MNAT1: variants seen among roughly 807,000 people sequenced by gnomAD.
The protein encoded by MNAT1 is CDK-activating kinase assembly factor MAT1.
In MNAT1, 43 loss-of-function variants were observed where a neutral mutation model predicts 42.0. The observed-to-expected ratio is 1.02, with a 90% CI of 0.80 to 1.32. The LOEUF is 1.32. Among genes scored for constraint, MNAT1 ranks in the 40% most tolerant of loss-of-function variants. MNAT1 has a pLI of 0.00. For synonymous variants in MNAT1, 118 were observed against 120.0 expected (o/e 0.98, Z 0.11); for missense variants, 306 against 350.4 (o/e 0.87, Z 1.01).
At chr14:60,865,264 T>C (rs1236790214) in intron 6 of MNAT1, among the ~76,000 whole-genome samples, 1 of 152,120 alleles carries the variant, frequency 6.6e-6, no homozygotes, top group East Asian at 1.9e-4. Context: ...TAGTAGTATT[T>C]GTAGATAATT....
At chr14:60,918,005 A>T (rs1204802836) in intron 7 of MNAT1, among the ~76,000 whole-genome samples, 2 of 151,946 alleles carry the variant, frequency 1.3e-5, no homozygotes, top group African/African-American at 4.8e-5. Flanking sequence ...CAAATACATC[A>T]GCAGGTTTAA....
intron 7 of MNAT1, among the ~76,000 whole-genome samples, chr14:60,897,468 CTA>C (rs1052270997): frequency 6.6e-6 from 1 of 151,968 alleles, no homozygotes; most frequent in Non-Finnish European, 1.5e-5. Context: ...ATGGGAATAT[CTA>C]TTACTTTCAT....
chr14:60,924,027 T>C (rs920721965), intron 7 of MNAT1, among the ~76,000 whole-genome samples: 10 of 152,164 alleles, frequency 6.6e-5, no homozygotes, highest in Non-Finnish European at 1.3e-4. Context: ...CACTAATGAA[T>C]ATTATGACTG....
intron 7 of MNAT1, among the ~76,000 whole-genome samples, chr14:60,895,094 G>C (rs572691559): frequency 2.6e-4 from 40 of 152,190 alleles, no homozygotes; most frequent in Non-Finnish European, 5.3e-4. Context: ...GAGGACTTTA[G>C]TTATTAGAGC....
chr14:60,776,071 A>G (rs2031239152), intron 1 of MNAT1, among the ~76,000 whole-genome samples: 1 of 152,230 alleles, frequency 6.6e-6, no homozygotes, highest in Non-Finnish European at 1.5e-5. Context: ...TCAACCATAG[A>G]TGGATCAGGT....
At chr14:60,746,323 G>C (rs867862504) in intron 1 of MNAT1, among the ~76,000 whole-genome samples, 3 of 152,074 alleles carry the variant, frequency 2.0e-5, no homozygotes, top group Non-Finnish European at 4.4e-5. Context: ...AGACCAGCCT[G>C]ACCAACATGG....
In MNAT1 at chr14:60,836,394, C is replaced by T. The variant is rs761767498; in HGVS notation, c.687+17547C>T. The stretch of plus-strand genomic sequence containing the variant: ...GGATTTGTCTACCTTTGGTCTTTGA[C>T]GTTGGTGACCTTTGGATGGGGTTTT... On this transcript the variant is annotated intron_variant, in intron 6 of 7. Coordinates refer to ENST00000261245, the MANE Select transcript of MNAT1 (RefSeq NM_002431.4). 8.5e-5 allele frequency among the ~76,000 whole-genome samples: 13 copies of T among 152,134 alleles called. 1 individual carries two copies. Among genetic ancestry groups the T allele is most frequent in the Non-Finnish European group, 1.6e-4 (11 of 68,018 alleles).
At chr14:60,860,528 G>GT (rs1292650963) in intron 6 of MNAT1, among the ~76,000 whole-genome samples, 1 of 151,290 alleles carries the variant, frequency 6.6e-6, no homozygotes, top group East Asian at 1.9e-4. Flanking sequence ...AATTTTTTGT[G>GT]TTTTTTAGTA....
At chr14:60,890,449 A>T (rs916852471) in intron 7 of MNAT1, among the ~76,000 whole-genome samples, 3 of 152,174 alleles carry the variant, frequency 2.0e-5, no homozygotes, top group African/African-American at 7.2e-5. Flanking sequence ...TAATAGATAG[A>T]TGTATATATG....
intron 1 of MNAT1, among the ~76,000 whole-genome samples, chr14:60,791,666 G>T (rs994438275): frequency 6.6e-6 from 1 of 152,126 alleles, no homozygotes; most frequent in Non-Finnish European, 1.5e-5. Context: ...ACTGGATCCC[G>T]TGGCTAATTG....
chr14:60,750,876 T>C (rs1460107528), intron 1 of MNAT1, among the ~76,000 whole-genome samples: 2 of 152,212 alleles, frequency 1.3e-5, no homozygotes, highest in African/African-American at 4.8e-5. Flanking sequence ...AAGCAGCCAC[T>C]GAAGAGAAAT....
In MNAT1 at chr14:60,812,126, TG is replaced by T; in HGVS notation, c.561+1del. ...AATAAGCAGGCTTTTTTAGATGAGC[TG>T]GTATGTATTAATGCTAATTGTGATT... The part of the protein sequence containing the change: ...RKNKQAFLDE[L>X]ESSDLPVALL... On this transcript the variant is annotated frameshift_variant and splice_region_variant, in exon 5 of 8. Coordinates refer to ENST00000261245, the MANE Select transcript of MNAT1 (RefSeq NM_002431.4). LOFTEE classifies it high-confidence loss of function. 1 of 1,578,714 alleles carries T rather than the reference TG, an allele frequency of 6.3e-7. No individual in the cohort carries two copies. The highest frequency in any genetic ancestry group is 8.6e-7 in the Non-Finnish European group (1 of 1,168,384).
chr14:60,837,392 C>T (rs1032754651), intron 6 of MNAT1, among the ~76,000 whole-genome samples: 61 of 152,162 alleles, frequency 4.0e-4, no homozygotes, highest in Non-Finnish European at 5.9e-4. Flanking sequence ...TTGCAAAGAC[C>T]GTGGGGAAAG....
At chr14:60,828,766 TC>T (rs1255697325) in intron 6 of MNAT1, among the ~76,000 whole-genome samples, 1 of 152,172 alleles carries the variant, frequency 6.6e-6, no homozygotes, top group Non-Finnish European at 1.5e-5. Flanking sequence ...AATTGAAGGT[TC>T]CCACGATCCC....
intron 1 of MNAT1, among the ~76,000 whole-genome samples, chr14:60,749,052 A>C (rs180906593): frequency 1.3e-5 from 2 of 152,296 alleles, no homozygotes; most frequent in Admixed American, 1.3e-4. Flanking sequence ...GCTGTATTAT[A>C]ATCTTAAGGA....
intron 7 of MNAT1, among the ~76,000 whole-genome samples, chr14:60,888,496 G>C (rs912603332): frequency 4.6e-5 from 7 of 152,058 alleles, no homozygotes; most frequent in Non-Finnish European, 8.8e-5. Context: ...ATATCATACA[G>C]AATGGACAAA....
intron 6 of MNAT1, among the ~76,000 whole-genome samples, chr14:60,850,949 C>A (rs966515135): frequency 3.9e-5 from 6 of 152,090 alleles, no homozygotes; most frequent in African/African-American, 1.4e-4. Flanking sequence ...ATGACATGGT[C>A]TGGTAAGAAA....
At chr14:60,935,254 C>G (rs2035969205) in intron 7 of MNAT1, among the ~76,000 whole-genome samples, 1 of 151,788 alleles carries the variant, frequency 6.6e-6, no homozygotes, top group African/African-American at 2.4e-5. Context: ...ACCTTCCCCA[C>G]CTCTCTCCCC....
intron 7 of MNAT1, among the ~76,000 whole-genome samples, chr14:60,932,850 A>G (rs555564570): frequency 5.3e-4 from 80 of 152,190 alleles, no homozygotes; most frequent in Admixed American, 9.2e-4. Context: ...ACTGTGTTAC[A>G]TTTTCAGAAA....
Sources: allele counts gnomAD v4.1 joint callset (sites outside exome capture counted in the v4.1 genomes callset), GRCh38; gene constraint gnomAD v4.1.1; transcripts MANE v1.5; gene names NCBI Gene and HGNC (gene_info 2026-07-23, HGNC 2026-07-21).